CNTNAP3B: variants seen among roughly 807,000 people sequenced by gnomAD.
The protein encoded by CNTNAP3B is contactin associated protein family member 3B, also known as contactin-associated protein-like 3B.
In CNTNAP3B, 25 loss-of-function variants were observed where a neutral mutation model predicts 108.9. The ratio of observed to expected loss-of-function variants is 0.23; its 90% CI spans 0.17 to 0.32. The LOEUF (loss-of-function observed/expected upper bound fraction) is 0.32. Ranked by LOEUF, CNTNAP3B falls within the 10% of genes least tolerant of loss-of-function variation. CNTNAP3B has a pLI of 1.00. For synonymous variants in CNTNAP3B, 103 were observed against 473.4 expected, an observed-to-expected ratio of 0.22 and a Z score of 10.16; for missense variants, 252 against 1,210.4, an observed-to-expected ratio of 0.21 and a Z score of 11.75.
intron 3 of CNTNAP3B, 34 bp downstream of exon 3, chr9:42,076,835 C>A (rs1166528298): frequency 6.5e-7 from 1 of 1,536,580 alleles, no homozygotes; most frequent in East Asian, 2.4e-5. Flanking sequence ...AGGTTTGCAG[C>A]AATAGGTAGC....
chr9:41,962,714 G>C (rs1340683139), intron 11 of CNTNAP3B, among the ~76,000 whole-genome samples: 4 of 149,192 alleles, frequency 2.7e-5, no homozygotes, highest in African/African-American at 1.0e-4. Flanking sequence ...CCAGCGCTTC[G>C]GGAGTCCAAG....
rs572669368 is a variant in CNTNAP3B, at chr9:42,063,705, G to T, written c.390+13164C>A. Among the ~76,000 whole-genome samples, 95 of 134,890 alleles carry T rather than the reference G, an allele frequency of 7.0e-4. 8 individuals carry two copies. In the Middle Eastern group the frequency reaches 0.014, roughly 20 times the overall value. The allele number at this position is 134,890 out of a possible 152,430, so 88.5% of individuals were successfully genotyped here. On this transcript the variant is annotated intron_variant, in intron 3 of 23. Transcript: ENST00000377561. The stretch of plus-strand genomic sequence containing the variant: ...GCTCCCTCCCTCCTTCCTTGTTTCT[G>T]CTACTGTTTCCTCTCTCTCTATATC...
rs1345128241 is a variant in CNTNAP3B, at chr9:42,129,166, C to T, written c.-72G>A. On this transcript the variant is annotated 5_prime_UTR_variant, in exon 1 of 24. Transcript: ENST00000377561. ...CTCTGCGTCGTTCCTGCTCTCACTC[C>T]CGCTCTCACTCCCGTCCCCTGCGCG... 7 of 1,495,396 alleles carry T rather than the reference C, an allele frequency of 4.7e-6. No individual in the cohort carries two copies. The highest frequency in any genetic ancestry group is 5.1e-5 in the East Asian group (2 of 38,886). 92.6% of individuals were successfully genotyped at this position (1,495,396 alleles called of 1,614,324 possible).
intron 10 of CNTNAP3B, among the ~76,000 whole-genome samples, chr9:41,967,150 T>C: frequency 6.6e-6 from 1 of 150,652 alleles, no homozygotes; most frequent in South Asian, 2.1e-4. Context: ...CATATGTTTC[T>C]ACTTTGTGAG....
At chr9:42,015,570 G>A (rs1826203413) in intron 3 of CNTNAP3B, among the ~76,000 whole-genome samples, 1 of 83,194 alleles carries the variant, frequency 1.2e-5, no homozygotes, top group Non-Finnish European at 2.4e-5. Flanking sequence ...ATCTTGAAGG[G>A]CCAGAGTACT....
At chr9:42,054,894 G>C (rs1258683147) in intron 3 of CNTNAP3B, among the ~76,000 whole-genome samples, 2 of 148,686 alleles carry the variant, frequency 1.3e-5, no homozygotes, top group African/African-American at 2.5e-5. Context: ...GACTCCTCCT[G>C]ACATCCAGGC....
In CNTNAP3B at chr9:41,924,678, C is replaced by CACACACACACACAT. The variant is rs1823763449; in HGVS notation, c.2366-586_2366-585insATGTGTGTGTGTGT. Among the ~76,000 whole-genome samples, 1,062 of 120,254 alleles carry CACACACACACACAT rather than the reference C, an allele frequency of 8.8e-3. 5 individuals are homozygous for CACACACACACACAT. The highest frequency in any genetic ancestry group is 0.018 in the African/African-American group (531 of 29,958). The allele number at this position is 120,254 out of a possible 152,430, so 78.9% of individuals were successfully genotyped here. ...ACACACACACACACACACACACACA[C>CACACACACACACAT]ACACACACACACAGTCTTAATTCCT... On this transcript the variant is annotated intron_variant, in intron 15 of 23. Coordinates refer to ENST00000377561, the MANE Select transcript of CNTNAP3B (RefSeq NM_001201380.3).
At chr9:42,117,448 G>A (rs1365376242) in intron 1 of CNTNAP3B, among the ~76,000 whole-genome samples, 4 of 139,948 alleles carry the variant, frequency 2.9e-5, no homozygotes, top group African/African-American at 5.7e-5. Flanking sequence ...CAAAATGAAG[G>A]CAGAAATAAA....
chr9:41,963,198 C>A (rs2118222134), intron 11 of CNTNAP3B, among the ~76,000 whole-genome samples: 1 of 152,400 alleles, frequency 6.6e-6, no homozygotes, highest in Non-Finnish European at 1.5e-5. Context: ...TTGTGAAAAT[C>A]AAATGTCTCA....
At chr9:42,076,286 T>G (rs1351990047) in intron 3 of CNTNAP3B, among the ~76,000 whole-genome samples, 2 of 123,036 alleles carry the variant, frequency 1.6e-5, no homozygotes, top group African/African-American at 3.4e-5. Flanking sequence ...ATTAGCCAAG[T>G]GTGGTGGCAC....
intron 11 of CNTNAP3B, among the ~76,000 whole-genome samples, chr9:41,963,204 T>C (rs1448504460): frequency 6.6e-6 from 1 of 152,284 alleles, no homozygotes; most frequent in Non-Finnish European, 1.5e-5. Flanking sequence ...AAATCAAATG[T>C]CTCATGGAAG....
chr9:42,114,922 CG>C lies in CNTNAP3B; in HGVS notation c.86-10184del, dbSNP rs1339299599. ...TACAAAAATTAGCTGGGCATGGTAG[CG>C]GGAACTTGCAATCCCAGCTACTCGG... On this transcript the variant is annotated intron_variant, in intron 1 of 23. Coordinates refer to ENST00000377561, the MANE Select transcript of CNTNAP3B (RefSeq NM_001201380.3). Among the ~76,000 whole-genome samples the C allele has an allele frequency of 5.9e-5, 8 of 134,730 alleles. 1 individual carries two copies. Among genetic ancestry groups the C allele is most frequent in the African/African-American group, 2.4e-4 (8 of 33,456 alleles). 88.4% of individuals were successfully genotyped at this position (134,730 alleles called of 152,430 possible).
chr9:41,945,976 A>G (rs1308082459), intron 13 of CNTNAP3B, among the ~76,000 whole-genome samples: 31 of 152,414 alleles, frequency 2.0e-4, no homozygotes, highest in African/African-American at 7.2e-4. Context: ...AGCAAGGAAA[A>G]TTATCAGAGA....
chr9:41,942,772 C>T (rs2118092523), intron 13 of CNTNAP3B, among the ~76,000 whole-genome samples: 1 of 152,248 alleles, frequency 6.6e-6, no homozygotes, highest in Admixed American at 6.5e-5. Flanking sequence ...GACAGAGTCT[C>T]TGGGAAAACT....
intron 1 of CNTNAP3B, among the ~76,000 whole-genome samples, chr9:42,121,142 G>A (rs934635633): frequency 7.2e-6 from 1 of 138,156 alleles, no homozygotes; most frequent in Admixed American, 7.2e-5. Flanking sequence ...ACAGGACTCA[G>A]GATAAATGCA....
chr9:41,944,829 G>A (rs1262510642), intron 13 of CNTNAP3B, among the ~76,000 whole-genome samples: 1 of 152,290 alleles, frequency 6.6e-6, no homozygotes, highest in Non-Finnish European at 1.5e-5. Context: ...AGAGTGAACA[G>A]GCAACCTATA....
At chr9:41,932,341 A>G (rs1287146386) in intron 14 of CNTNAP3B, among the ~76,000 whole-genome samples, 24 of 151,966 alleles carry the variant, frequency 1.6e-4, no homozygotes, top group Non-Finnish European at 2.9e-4. Context: ...TTTATTTATT[A>G]GAAATTCCTA....
In CNTNAP3B at chr9:42,110,506, A is replaced by AGAT. The variant is rs1354846423; in HGVS notation, c.86-5770_86-5768dup. Among the ~76,000 whole-genome samples the AGAT allele has an allele frequency of 1.5e-5, 2 of 131,566 alleles. 1 individual carries two copies. The highest frequency in any genetic ancestry group is 6.1e-5 in the African/African-American group (2 of 32,724). 86.3% of individuals were successfully genotyped at this position (131,566 alleles called of 152,430 possible). On this transcript the variant is annotated intron_variant, in intron 1 of 23. Coordinates refer to ENST00000377561, the MANE Select transcript of CNTNAP3B (RefSeq NM_001201380.3). Reference sequence around the variant, plus strand: ...CAACAGATGGTTACTGTGTTATCACAGATGTACAGAAAACCTCTTTGTTCT... The same window carrying AGAT: ...CAACAGATGGTTACTGTGTTATCACAGATGATGTACAGAAAACCTCTTTGTTCT...
At chr9:41,922,309 C>A (rs1359753516) in intron 17 of CNTNAP3B, among the ~76,000 whole-genome samples, 7 of 129,510 alleles carry the variant, frequency 5.4e-5, no homozygotes, top group Non-Finnish European at 1.2e-4. Context: ...ATTAAAAATA[C>A]AAAAATTAGC....
Sources: allele counts gnomAD v4.1 joint callset (sites outside exome capture counted in the v4.1 genomes callset), GRCh38; gene constraint gnomAD v4.1.1; transcripts MANE v1.5; gene names NCBI Gene and HGNC (gene_info 2026-07-23, HGNC 2026-07-21).